The following NCKAP5 variants were observed in gnomAD, a reference collection of about 807,000 sequenced individuals.
The protein encoded by NCKAP5 is nck-associated protein 5.
A neutral mutation model predicts 167.0 loss-of-function variants in NCKAP5; 92 were observed. The ratio of observed to expected loss-of-function variants is 0.55; its 90% CI spans 0.47 to 0.66. The LOEUF (loss-of-function observed/expected upper bound fraction) is 0.66, where lower values mean the gene tolerates loss of function less well. NCKAP5 is among the 30% of genes least tolerant of loss of function. NCKAP5 has a pLI of 0.00. For missense variants in NCKAP5, 2,378 were observed against 2,315.0 expected (o/e 1.03, Z -0.56); for synonymous variants, 891 against 877.4 (o/e 1.02, Z -0.27).
intron 11 of NCKAP5, among the ~76,000 whole-genome samples, chr2:132,831,453 C>A (rs1436531179): frequency 6.6e-6 from 1 of 152,120 alleles, no homozygotes. Flanking sequence ...TGTCAACCAA[C>A]AATGTTGTTT....
intron 5 of NCKAP5, among the ~76,000 whole-genome samples, chr2:133,206,068 A>G (rs1314257217): frequency 6.6e-6 from 1 of 152,162 alleles, no homozygotes; most frequent in Non-Finnish European, 1.5e-5. Flanking sequence ...TAGGATCAGA[A>G]GTACAACAAT....
intron 16 of NCKAP5, among the ~76,000 whole-genome samples, chr2:132,770,427 T>A (rs957224639): frequency 1.4e-5 from 2 of 145,578 alleles, no homozygotes; most frequent in Non-Finnish European, 3.1e-5. Context: ...TAATATAGTA[T>A]ATATATAATA....
the NCKAP5 span, among the ~76,000 whole-genome samples, chr2:133,578,022 A>G: frequency 6.6e-6 from 1 of 152,308 alleles, no homozygotes; most frequent in South Asian, 2.1e-4. Flanking sequence ...TGGTCACCCT[A>G]AGCCTACTAC....
At chr2:133,424,954 T>G (rs538978376) in intron 3 of NCKAP5, among the ~76,000 whole-genome samples, 95 of 152,360 alleles carry the variant, frequency 6.2e-4, no homozygotes, top group African/African-American at 2.2e-3. Flanking sequence ...TTGTTGTAAT[T>G]GATGTTTTCT....
chr2:132,784,946 C>T lies in NCKAP5; in HGVS notation c.1865G>A (p.Gly622Glu). Reference protein sequence around the residue: ...KSVENLDVLVGFGKSLCGSPE... With the variant: ...KSVENLDVLVEFGKSLCGSPE... ...AGACCCACATAGAGATTTTCCAAAC[C>T]CCACAAGGACATCCAGGTTCTCCAC... The change falls in exon 14 of 20, where the codon GGG becomes GAG. Residue 622 changes from glycine (G) to glutamate (E), a missense_variant. Physicochemically the swap from Gly to Glu is moderately conservative, Grantham distance 98. Coordinates refer to ENST00000409261, the MANE Select transcript of NCKAP5 (RefSeq NM_207363.3). 1 of 1,605,560 alleles carries T rather than the reference C, an allele frequency of 6.2e-7. No individual in the cohort carries two copies. Among genetic ancestry groups the T allele is most frequent in the Non-Finnish European group, 8.5e-7 (1 of 1,175,704 alleles).
At chr2:132,776,022 A>C (rs1682516564) in intron 15 of NCKAP5, among the ~76,000 whole-genome samples, 1 of 152,224 alleles carries the variant, frequency 6.6e-6, no homozygotes, top group Non-Finnish European at 1.5e-5. Context: ...CTTACAGATA[A>C]AGAAAAAGGA....
intron 11 of NCKAP5, among the ~76,000 whole-genome samples, chr2:132,827,738 T>C (rs561113126): frequency 6.6e-6 from 1 of 152,338 alleles, no homozygotes; most frequent in East Asian, 1.9e-4. Context: ...ACTAAAAAGT[T>C]CATAGGATTC....
At chr2:133,259,571 T>A (rs567781229) in intron 4 of NCKAP5, among the ~76,000 whole-genome samples, 2 of 152,326 alleles carry the variant, frequency 1.3e-5, no homozygotes, top group South Asian at 4.1e-4. Context: ...GCAGAGTGAC[T>A]GAGGGATGTC....
At chr2:133,471,063 T>C (rs1484478465) in intron 3 of NCKAP5, among the ~76,000 whole-genome samples, 1 of 152,128 alleles carries the variant, frequency 6.6e-6, no homozygotes, top group Non-Finnish European at 1.5e-5. Flanking sequence ...TATGTACTGA[T>C]CATCATCATC....
rs1683348486 is a variant in NCKAP5, at chr2:132,784,285, C to T, written c.2526G>A (p.Gly842=). The T allele has an allele frequency of 1.2e-6, 2 of 1,613,170 alleles. No homozygotes were observed. The highest frequency in any genetic ancestry group is 1.1e-5 in the South Asian group (1 of 90,936). The change falls in exon 14 of 20, where the codon GGG becomes GGA. Residue 842 remains glycine, a synonymous_variant. Coordinates refer to ENST00000409261, the MANE Select transcript of NCKAP5 (RefSeq NM_207363.3). ...TLEKSPALAP[G]KLSRFMKTES... is the part of the protein sequence containing the mutation. ...CAGTCTTCATGAATCGTGAGAGTTTCCCAGGAGCTAAGGCTGGTGATTTTT... is the reference window on the plus strand; with the variant it reads ...CAGTCTTCATGAATCGTGAGAGTTTTCCAGGAGCTAAGGCTGGTGATTTTT...
At chr2:133,474,155 T>TATAC (rs1553649112) in intron 3 of NCKAP5, among the ~76,000 whole-genome samples, 1 of 142,566 alleles carries the variant, frequency 7.0e-6, no homozygotes, top group Non-Finnish European at 1.5e-5. Context: ...TATCTATCTA[T>TATAC]ACACACACAC....
intron 8 of NCKAP5, among the ~76,000 whole-genome samples, chr2:132,912,127 G>T (rs1186507630): frequency 6.6e-6 from 1 of 151,904 alleles, no homozygotes; most frequent in African/African-American, 2.4e-5. Flanking sequence ...ATGCTGGCCT[G>T]TGGTGACTAT....
intron 5 of NCKAP5, among the ~76,000 whole-genome samples, chr2:133,185,073 C>T (rs546483839): frequency 1.3e-5 from 2 of 152,156 alleles, no homozygotes; most frequent in South Asian, 4.1e-4. Context: ...AGGATTTCTT[C>T]CAGAATTTTT....
chr2:132,721,224 C>T (rs573150130), intron 19 of NCKAP5, among the ~76,000 whole-genome samples: 1 of 152,260 alleles, frequency 6.6e-6, no homozygotes, highest in South Asian at 2.1e-4. Context: ...AGGAGAATCG[C>T]TTCAACCCAA....
intron 11 of NCKAP5, among the ~76,000 whole-genome samples, chr2:132,832,588 T>G (rs1422610013): frequency 6.6e-6 from 1 of 152,188 alleles, no homozygotes; most frequent in Admixed American, 6.5e-5. Context: ...GTACATATAT[T>G]TTAACACCCA....
intron 5 of NCKAP5, among the ~76,000 whole-genome samples, chr2:133,160,772 G>T (rs16857684): frequency 0.13 from 19,710 of 151,956 alleles, 1,487 homozygotes; most frequent in East Asian, 0.38. Flanking sequence ...TCCATACCCA[G>T]TTCTGAGGAT....
chr2:133,218,355 C>T (rs115910771), intron 4 of NCKAP5, among the ~76,000 whole-genome samples: 5 of 152,192 alleles, frequency 3.3e-5, no homozygotes, highest in East Asian at 1.9e-4. Flanking sequence ...ATAGAAGACA[C>T]GTGTATTTTC....
rs1689811708 is a variant in NCKAP5 at position 132,860,562 on chromosome 2, T to C, written c.737A>G (p.Glu246Gly). The C allele has an allele frequency of 6.3e-7, 1 of 1,587,046 alleles. No individual in the cohort carries two copies. Among genetic ancestry groups the C allele is most frequent in the Admixed American group, 1.8e-5 (1 of 56,614 alleles). The change falls in exon 11 of 20, where the codon GAA (glutamate) becomes GGA (glycine). Residue 246 changes from glutamate to glycine, a missense_variant. By Grantham distance (98) the Glu-to-Gly change is moderately conservative. This residue lies in a region of NCKAP5 where 1,049 missense variants were observed against 1,023.4 expected (regional missense o/e 1.02). Coordinates refer to ENST00000409261, the MANE Select transcript of NCKAP5 (RefSeq NM_207363.3). Reference protein sequence around the residue: ...VKLKTRVFDLEQQNRTLSILF... With the variant: ...VKLKTRVFDLGQQNRTLSILF... ...GATGCTTAGTGTTCGATTCTGCTGT[T>C]CCAAATCAAACACTCTTGTTTTCAA...
At chr2:133,409,717 G>A (rs1293853626) in intron 3 of NCKAP5, among the ~76,000 whole-genome samples, 1 of 152,114 alleles carries the variant, frequency 6.6e-6, no homozygotes, top group East Asian at 1.9e-4. Flanking sequence ...GTAGGAAAAG[G>A]TCTACATTGT....
Sources: allele counts gnomAD v4.1 joint callset (sites outside exome capture counted in the v4.1 genomes callset), GRCh38; gene constraint gnomAD v4.1.1; regional missense constraint gnomAD v4.1.1; transcripts MANE v1.5; gene names NCBI Gene and HGNC (gene_info 2026-07-23, HGNC 2026-07-21).